The following RUNDC3B variants were observed in gnomAD, a reference collection of about 807,000 sequenced individuals.
RUNDC3B encodes RUN domain-containing protein 3B.
RUNDC3B carries 33 observed loss-of-function variants against 58.4 expected under a neutral mutation model. The observed-to-expected ratio is 0.56, with a 90% confidence interval of 0.43 to 0.75. RUNDC3B has a LOEUF of 0.75. Among genes scored for constraint, RUNDC3B ranks in the 30% least tolerant of loss-of-function variants. The pLI is 0.00. For synonymous variants in RUNDC3B, 193 were observed against 195.2 expected (o/e 0.99, Z 0.10); for missense variants, 501 against 535.7 (o/e 0.94, Z 0.64).
chr7:87,778,429 C>T (rs1834763244), intron 8 of RUNDC3B, among the ~76,000 whole-genome samples: 1 of 115,232 alleles, frequency 8.7e-6, no homozygotes, highest in Non-Finnish European at 1.7e-5. Flanking sequence ...GCTGACAGAG[C>T]AAAACTCTGT....
At chr7:87,821,068 G>T (rs1359407787) in intron 10 of RUNDC3B, among the ~76,000 whole-genome samples, 9 of 149,658 alleles carry the variant, frequency 6.0e-5, no homozygotes, top group East Asian at 1.9e-4. Flanking sequence ...GGAAATAAAG[G>T]GTATTCAATT....
At chr7:87,727,914 A>G (rs1436696181) in intron 4 of RUNDC3B, among the ~76,000 whole-genome samples, 1 of 152,154 alleles carries the variant, frequency 6.6e-6, no homozygotes, top group African/African-American at 2.4e-5. Context: ...TCTTATTATA[A>G]TGATTCATTA....
intron 10 of RUNDC3B, among the ~76,000 whole-genome samples, chr7:87,826,111 G>T (rs894804991): frequency 6.6e-6 from 1 of 152,036 alleles, no homozygotes; most frequent in Non-Finnish European, 1.5e-5. Flanking sequence ...ACTTGGGAGG[G>T]GCCAGGGGAA....
rs552845618 is a variant in RUNDC3B, at chr7:87,713,512, G to A, written c.458+2857G>A. Among the ~76,000 whole-genome samples the A allele has an allele frequency of 9.9e-5, 15 of 152,124 alleles. 1 individual carries two copies. The highest frequency in any genetic ancestry group is 3.4e-4 in the African/African-American group (14 of 41,502). ...TGATCTTTTTGCTAAGGTGTAGGAC[G>A]TCTTAATGAGCAGTTGAAAAAACAA... On this transcript the variant is annotated intron_variant, in intron 4 of 10. Coordinates refer to ENST00000394654, the MANE Select transcript of RUNDC3B (RefSeq NM_001134405.2).
rs2157928 is a variant in RUNDC3B, at chr7:87,629,088, G to A, written c.122+143G>A. On this transcript the variant is annotated intron_variant, in intron 1 of 10. Transcript: ENST00000394654. The stretch of plus-strand genomic sequence containing the variant: ...TGTTGCGCCAGCCAAATCTGTGAGC[G>A]CGCAGCTCCTTGGACAGGGGCCCGG... 9,293 of 781,902 alleles carry A rather than the reference G, an allele frequency of 0.012. 626 individuals are homozygous for A. The African/African-American group carries it at 0.15, about 12-fold the overall frequency. The allele number at this position is 781,902 out of a possible 1,614,324, so 48.4% of individuals were successfully genotyped here. A position where few individuals can be genotyped will look rare whatever the true frequency, so the allele number is the denominator to read the frequency against.
At chr7:87,814,606 TATATA>T (rs1836927323) in intron 9 of RUNDC3B, among the ~76,000 whole-genome samples, 1 of 152,184 alleles carries the variant, frequency 6.6e-6, no homozygotes, top group South Asian at 2.1e-4. Flanking sequence ...TAAGTTCATA[TATATA>T]ATATATGTAG....
At chr7:87,644,628 A>G (rs750456302) in intron 1 of RUNDC3B, among the ~76,000 whole-genome samples, 11 of 152,200 alleles carry the variant, frequency 7.2e-5, no homozygotes, top group Admixed American at 2.6e-4. Context: ...ATAACATGGT[A>G]TAGATAAGAA....
rs149324096 is a variant in RUNDC3B, at chr7:87,807,918, T to C, written c.1103+399T>C. Among the ~76,000 whole-genome samples, 575 of 152,260 alleles carry C rather than the reference T, an allele frequency of 3.8e-3. 3 individuals carry two copies. The highest frequency in any genetic ancestry group is 0.013 in the African/African-American group (555 of 41,580). ...GAATTCTATTCATTTTCAATAAATC[T>C]GATTTTTAGAAACCGTAGAAGATAT... is the stretch of plus-strand genomic sequence containing the variant. On this transcript the variant is annotated intron_variant, in intron 9 of 10. Coordinates refer to ENST00000394654, the MANE Select transcript of RUNDC3B (RefSeq NM_001134405.2).
intron 8 of RUNDC3B, among the ~76,000 whole-genome samples, chr7:87,797,251 C>A (rs768317461): frequency 1.2e-4 from 19 of 152,136 alleles, no homozygotes; most frequent in Non-Finnish European, 2.2e-4. Flanking sequence ...TTCTGTTTCT[C>A]TTTAATGTGG....
chr7:87,753,397 G>T (rs1372633676), intron 6 of RUNDC3B, among the ~76,000 whole-genome samples: 2 of 151,860 alleles, frequency 1.3e-5, no homozygotes, highest in Non-Finnish European at 2.9e-5. Flanking sequence ...GGTCCACTTG[G>T]TGCAGAGCTG....
intron 2 of RUNDC3B, among the ~76,000 whole-genome samples, chr7:87,687,703 C>T (rs906416622): frequency 6.6e-6 from 1 of 152,034 alleles, no homozygotes; most frequent in African/African-American, 2.4e-5. Flanking sequence ...ACTCTTAAAA[C>T]GAGTTAGAAC....
At chr7:87,665,278 C>T (rs1338965066) in intron 2 of RUNDC3B, among the ~76,000 whole-genome samples, 3 of 152,002 alleles carry the variant, frequency 2.0e-5, no homozygotes, top group Admixed American at 2.0e-4. Flanking sequence ...AAATAAGTTA[C>T]ATTTTTATAT....
intron 4 of RUNDC3B, among the ~76,000 whole-genome samples, chr7:87,733,372 G>A (rs557792434): frequency 8.2e-4 from 125 of 152,240 alleles, no homozygotes; most frequent in African/African-American, 3.0e-3. Flanking sequence ...ATAATTAGGA[G>A]CATTTCATCT....
chr7:87,749,980 A>G (rs1453479975), intron 6 of RUNDC3B, among the ~76,000 whole-genome samples: 1 of 151,814 alleles, frequency 6.6e-6, no homozygotes. Context: ...TGCACCCACT[A>G]ACTCGTCATC....
intron 2 of RUNDC3B, among the ~76,000 whole-genome samples, chr7:87,689,704 G>C (rs1251843207): frequency 6.6e-6 from 1 of 152,068 alleles, no homozygotes; most frequent in Non-Finnish European, 1.5e-5. Context: ...AATAATCCCA[G>C]TTCCTACATC....
chr7:87,693,452 T>C (rs1828196377), intron 2 of RUNDC3B, among the ~76,000 whole-genome samples: 1 of 152,190 alleles, frequency 6.6e-6, no homozygotes, highest in African/African-American at 2.4e-5. Context: ...AAAATGTGTA[T>C]TTATTTTTAA....
chr7:87,740,088 G>T (rs1271261388), intron 5 of RUNDC3B, among the ~76,000 whole-genome samples: 1 of 152,010 alleles, frequency 6.6e-6, no homozygotes, highest in African/African-American at 2.4e-5. Flanking sequence ...GAATTGATAG[G>T]CTTGCTCTGT....
At chr7:87,738,298 A>G (rs560459309) in intron 4 of RUNDC3B, among the ~76,000 whole-genome samples, 1 of 152,140 alleles carries the variant, frequency 6.6e-6, no homozygotes, top group East Asian at 1.9e-4. Flanking sequence ...ATTTGTCTAA[A>G]TATTTTACCT....
At chr7:87,784,856 G>A (rs1835122601) in intron 8 of RUNDC3B, among the ~76,000 whole-genome samples, 1 of 151,996 alleles carries the variant, frequency 6.6e-6, no homozygotes, top group Admixed American at 6.6e-5. Flanking sequence ...TGTTTCCTTA[G>A]CCCTAAGGGG....
Sources: gnomAD v4.1 joint callset for allele counts (sites outside exome capture counted in the v4.1 genomes callset) on GRCh38, gnomAD v4.1.1 for gene constraint, MANE v1.5 for transcripts, NCBI Gene and HGNC (gene_info 2026-07-23, HGNC 2026-07-21) for gene names.